Variants in ATG7 observed in about 807,000 individuals in gnomAD.
ATG7 encodes ubiquitin-like modifier-activating enzyme ATG7.
A neutral mutation model predicts 82.4 loss-of-function variants in ATG7; 70 were observed. That is an observed-to-expected ratio of 0.85 (90% CI 0.70 to 1.04). The LOEUF is 1.04. Among genes scored for constraint, ATG7 ranks in the 50% least tolerant of loss-of-function variants. The probability of loss-of-function intolerance (pLI) is 0.00; values close to 1 mark genes in which losing one functional copy is unlikely to be tolerated. For missense variants in ATG7, 792 were observed against 864.3 expected (o/e 0.92, Z 1.05); for synonymous variants, 287 against 313.0 (o/e 0.92, Z 0.88).
chr3:11,510,878 G>A (rs1407489006), intron 20 of ATG7, among the ~76,000 whole-genome samples: 3 of 152,168 alleles, frequency 2.0e-5, no homozygotes, highest in Non-Finnish European at 4.4e-5. Flanking sequence ...GTGGCTTTGT[G>A]TCCGGAATTG....
At chr3:11,349,111 G>A (rs1955051216) in intron 14 of ATG7, among the ~76,000 whole-genome samples, 1 of 151,954 alleles carries the variant, frequency 6.6e-6, no homozygotes. Flanking sequence ...AGTGCTGATT[G>A]GTGTGTTTTT....
intron 20 of ATG7, among the ~76,000 whole-genome samples, chr3:11,429,259 G>T (rs1052705417): frequency 1.3e-5 from 2 of 152,146 alleles, no homozygotes; most frequent in African/African-American, 4.8e-5. Flanking sequence ...ACTTTGGGAG[G>T]CCGAGGGGGG....
chr3:11,299,865 C>A (rs916215653), intron 5 of ATG7, among the ~76,000 whole-genome samples: 1 of 151,840 alleles, frequency 6.6e-6, no homozygotes, highest in Non-Finnish European at 1.5e-5. Flanking sequence ...ATAGATATAT[C>A]CTTGAAGAAT....
chr3:11,482,667 T>C (rs1376800365), intron 20 of ATG7, among the ~76,000 whole-genome samples: 1 of 152,154 alleles, frequency 6.6e-6, no homozygotes. Flanking sequence ...TATCCTTGTA[T>C]ATCTTATAAA....
chr3:11,312,219 T>C (rs1948777485), intron 7 of ATG7, among the ~76,000 whole-genome samples: 2 of 152,222 alleles, frequency 1.3e-5, no homozygotes, highest in South Asian at 4.1e-4. Flanking sequence ...CATCCAATTT[T>C]AATTCTTAGC....
chr3:11,310,351 C>A (rs181591154), intron 7 of ATG7, among the ~76,000 whole-genome samples: 227 of 152,234 alleles, frequency 1.5e-3, no homozygotes, highest in Middle Eastern at 6.8e-3. Flanking sequence ...AATCCTCTTT[C>A]CCACTTCTTT....
the ATG7 span, chr3:11,568,530 C>A: frequency 5.8e-6 from 9 of 1,544,032 alleles, no homozygotes; most frequent in Non-Finnish European, 7.9e-6. This position sits in a 1 kb window ranked among gnomAD's most constrained non-coding sequence, Gnocchi z 5.9. Context: ...ATGGGTCAGA[C>A]AAAGACACTG....
the ATG7 span, among the ~76,000 whole-genome samples, chr3:11,573,176 G>C: frequency 1.3e-5 from 2 of 150,438 alleles, no homozygotes; most frequent in African/African-American, 4.9e-5. Context: ...AAGAAAGAAA[G>C]ACAGACAGAC....
intron 19 of ATG7, among the ~76,000 whole-genome samples, chr3:11,417,116 T>C (rs2081434693): frequency 6.6e-6 from 1 of 152,216 alleles, no homozygotes; most frequent in African/African-American, 2.4e-5. Flanking sequence ...TTGGTGAATA[T>C]TCCATGTGAA....
At chr3:11,495,797 A>C (rs887278520) in intron 20 of ATG7, among the ~76,000 whole-genome samples, 2 of 152,218 alleles carry the variant, frequency 1.3e-5, no homozygotes, top group African/African-American at 4.8e-5. Context: ...GCTTTGTTCT[A>C]GCCACTAGCA....
At chr3:11,516,693 G>A (rs1384077946) in intron 20 of ATG7, among the ~76,000 whole-genome samples, 2 of 152,188 alleles carry the variant, frequency 1.3e-5, no homozygotes, top group African/African-American at 4.8e-5. Context: ...GGTGAATGGA[G>A]AAATAAACTG....
chr3:11,556,181 T>C lies in ATG7; in HGVS notation c.*1338T>C, dbSNP rs765935220. The C allele has an allele frequency of 6.6e-6, 1 of 152,320 alleles. No homozygotes were observed. The highest frequency in any genetic ancestry group is 1.5e-5 in the Non-Finnish European group (1 of 67,950). The allele number at this position is 152,320 out of a possible 1,614,324, so 9.4% of individuals were successfully genotyped here. A position where few individuals can be genotyped will look rare whatever the true frequency, so the allele number is the denominator to read the frequency against. On this transcript the variant is annotated 3_prime_UTR_variant, in exon 21 of 21. Transcript: ENST00000693202. ...AGGAAAAACAGGCCACAGAGAATGG[T>C]ATATTACAGATTTACACACATGAAG...
intron 19 of ATG7, among the ~76,000 whole-genome samples, chr3:11,423,263 T>C (rs1399181890): frequency 6.6e-6 from 1 of 152,204 alleles, no homozygotes; most frequent in Non-Finnish European, 1.5e-5. Context: ...CCATCTTATA[T>C]AGGTACAGTT....
intron 19 of ATG7, among the ~76,000 whole-genome samples, chr3:11,395,939 CAAAAAAA>C (rs869125190): frequency 6.3e-4 from 16 of 25,528 alleles, no homozygotes; most frequent in Admixed American, 1.2e-3. Flanking sequence ...GACTCTGTCT[CAAAAAAA>C]AAAAAAAAAA....
At chr3:11,542,361 A>T (rs1575261303) in intron 20 of ATG7, among the ~76,000 whole-genome samples, 1 of 152,134 alleles carries the variant, frequency 6.6e-6, no homozygotes, top group South Asian at 2.1e-4. Flanking sequence ...AGAGGGGGAG[A>T]CCTAGAGCAG....
At chr3:11,541,031 C>T (rs1055379051) in intron 20 of ATG7, among the ~76,000 whole-genome samples, 8 of 151,798 alleles carry the variant, frequency 5.3e-5, no homozygotes, top group Non-Finnish European at 8.8e-5. Flanking sequence ...TCCCAAGTAG[C>T]TGGGACTACA....
chr3:11,294,415 G>A (rs1434911670), intron 3 of ATG7, among the ~76,000 whole-genome samples: 1 of 151,772 alleles, frequency 6.6e-6, no homozygotes, highest in Non-Finnish European at 1.5e-5. Context: ...TAGAGATGGG[G>A]GTTTCACCAT....
Position 11,554,935 on chromosome 3 carries a change from TTCTGGGCCCCTCCTCCATACCCCGAGG to T in ATG7, c.*99_*125del. ...GGACTGCTGACCCCAGGCCTGGTGA[TTCTGGGCCCCTCCTCCATACCCCGAGG>T]TCTGGGATTCCCCCCTCTGCTGCCC... On this transcript the variant is annotated 3_prime_UTR_variant, in exon 21 of 21. Coordinates refer to ENST00000693202, the MANE Select transcript of ATG7 (RefSeq NM_001349232.2). 1 of 1,481,678 alleles carries T rather than the reference TTCTGGGCCCCTCCTCCATACCCCGAGG, an allele frequency of 6.7e-7. No individual in the cohort carries two copies. Among genetic ancestry groups the T allele is most frequent in the South Asian group, 1.2e-5 (1 of 80,680 alleles). The allele number at this position is 1,481,678 out of a possible 1,614,324, so 91.8% of individuals were successfully genotyped here.
chr3:11,507,750 T>A (rs1216246306), intron 20 of ATG7, among the ~76,000 whole-genome samples: 2 of 152,112 alleles, frequency 1.3e-5, no homozygotes. Context: ...TGGGAATTAT[T>A]AAAGCTAGCC....
Sources: allele counts gnomAD v4.1 joint callset (sites outside exome capture counted in the v4.1 genomes callset), GRCh38; gene constraint gnomAD v4.1.1; non-coding constraint Gnocchi (gnomAD v3.1); transcripts MANE v1.5; gene names NCBI Gene and HGNC (gene_info 2026-07-23, HGNC 2026-07-21).